Variants in MTREX observed in about 807,000 individuals in gnomAD.
MTREX encodes the protein Mtr4 exosome RNA helicase.
Under a neutral mutation model 135.4 loss-of-function variants are expected in MTREX, and 76 were observed. The ratio of observed to expected loss-of-function variants is 0.56; its 90% CI spans 0.47 to 0.68. The LOEUF is 0.68. Among genes scored for constraint, MTREX ranks in the 30% least tolerant of loss-of-function variants. The pLI is 0.00. For missense variants in MTREX, 920 were observed against 1,262.1 expected (o/e 0.73, Z 4.11); for synonymous variants, 404 against 401.6 (o/e 1.01, Z -0.07).
chr5:55,359,540 ATATCTT>A (rs1749975506), intron 15 of MTREX, among the ~76,000 whole-genome samples: 1 of 145,468 alleles, frequency 6.9e-6, no homozygotes, highest in South Asian at 2.2e-4. Flanking sequence ...GAAGGTGTGT[ATATCTT>A]TATATGTCTT....
chr5:55,397,849 A>AT (rs1019150031), intron 20 of MTREX, among the ~76,000 whole-genome samples: 1 of 152,174 alleles, frequency 6.6e-6, no homozygotes, highest in Non-Finnish European at 1.5e-5. Flanking sequence ...ACATTTAACC[A>AT]TTTTTTAATA....
Position 55,340,002 on chromosome 5 carries a change from A to G in MTREX, c.516-8A>G. Reference sequence around the variant, plus strand: ...AAGTTGTATGATTATTTGTTTTCACATTTGTAGGTATGCCATTGCATTGGC... The same window carrying G: ...AAGTTGTATGATTATTTGTTTTCACGTTTGTAGGTATGCCATTGCATTGGC... On this transcript the variant is annotated splice_region_variant and splice_polypyrimidine_tract_variant and intron_variant, in intron 5 of 26. Transcript: ENST00000230640. 6.7e-7 allele frequency: 1 copy of G among 1,489,278 alleles called. No homozygotes were observed. Among genetic ancestry groups the G allele is most frequent in the Non-Finnish European group, 9.0e-7 (1 of 1,116,380 alleles). 92.3% of individuals were successfully genotyped at this position (1,489,278 alleles called of 1,614,324 possible).
chr5:55,330,749 A>G (rs1268880307), intron 5 of MTREX, among the ~76,000 whole-genome samples: 1 of 151,542 alleles, frequency 6.6e-6, no homozygotes, highest in Admixed American at 6.6e-5. Context: ...ATATTTGGGG[A>G]AATTTCAGAC....
chr5:55,380,141 C>T (rs1351236516), intron 18 of MTREX, among the ~76,000 whole-genome samples: 4 of 151,884 alleles, frequency 2.6e-5, no homozygotes, highest in Admixed American at 6.6e-5. Flanking sequence ...CGGGTTTCAC[C>T]GTGTTAGGCA....
chr5:55,369,703 G>C (rs1750164417), intron 16 of MTREX, among the ~76,000 whole-genome samples: 1 of 152,054 alleles, frequency 6.6e-6, no homozygotes, highest in South Asian at 2.1e-4. Context: ...TGAGGAATGG[G>C]AGCCCCTTTC....
At chr5:55,313,437 C>T (rs892503170) in intron 1 of MTREX, among the ~76,000 whole-genome samples, 3 of 151,622 alleles carry the variant, frequency 2.0e-5, no homozygotes, top group Admixed American at 6.6e-5. Flanking sequence ...AGAGACATGT[C>T]TCAAAAAAAA....
intron 25 of MTREX, among the ~76,000 whole-genome samples, chr5:55,416,663 G>A (rs1414942366): frequency 6.6e-6 from 1 of 152,020 alleles, no homozygotes; most frequent in Non-Finnish European, 1.5e-5. Flanking sequence ...AGAAATATAA[G>A]GAATAAGTGA....
intron 5 of MTREX, among the ~76,000 whole-genome samples, chr5:55,332,672 C>G (rs1361001885): frequency 6.6e-6 from 1 of 152,156 alleles, no homozygotes; most frequent in African/African-American, 2.4e-5. Context: ...GGGGCCCACC[C>G]CCTTGATAAT....
intron 16 of MTREX, among the ~76,000 whole-genome samples, chr5:55,374,536 G>C (rs1043369149): frequency 2.0e-5 from 3 of 151,826 alleles, no homozygotes; most frequent in African/African-American, 7.3e-5. Flanking sequence ...TCCTGCTCCT[G>C]CCTCAGCCTC....
At chr5:55,365,363 C>G (rs1301851495) in intron 15 of MTREX, among the ~76,000 whole-genome samples, 1 of 152,184 alleles carries the variant, frequency 6.6e-6, no homozygotes, top group Non-Finnish European at 1.5e-5. Flanking sequence ...GACTTACTAA[C>G]TATCCTCCTA....
In MTREX at chr5:55,341,685, TGA is replaced by T; in HGVS notation, c.698_699del (p.Arg233LysfsTer19). 1 of 1,557,022 alleles carries T rather than the reference TGA, an allele frequency of 6.4e-7. No individual in the cohort carries two copies. The highest frequency in any genetic ancestry group is 8.8e-7 in the Non-Finnish European group (1 of 1,141,074). On this transcript the variant is annotated frameshift_variant, in exon 7 of 27. Transcript: ENST00000230640. LOFTEE classifies it high-confidence loss of function. ...ATTTTTTACTTTTTTCTTTAGATTTTGAGAAGTATGCTTTACAGAGGTTCCGA... is the reference window on the plus strand; with the variant it reads ...ATTTTTTACTTTTTTCTTTAGATTTTGAAGTATGCTTTACAGAGGTTCCGA...
intron 3 of MTREX, among the ~76,000 whole-genome samples, chr5:55,325,157 A>G (rs920987045): frequency 6.6e-6 from 1 of 152,140 alleles, no homozygotes; most frequent in African/African-American, 2.4e-5. Context: ...GGAGAATCTC[A>G]TTAAAAGTCT....
At chr5:55,419,780 CTTT>C (rs1025507637) in intron 25 of MTREX, among the ~76,000 whole-genome samples, 1 of 152,112 alleles carries the variant, frequency 6.6e-6, no homozygotes, top group African/African-American at 2.4e-5. Flanking sequence ...CTGCCATATG[CTTT>C]TTATTTTTTT....
At chr5:55,353,998 G>GAA (rs1287172251) in intron 14 of MTREX, among the ~76,000 whole-genome samples, 1 of 152,224 alleles carries the variant, frequency 6.6e-6, no homozygotes. Flanking sequence ...GTCCAAGGCA[G>GAA]AAGCAAAGAG....
intron 1 of MTREX, among the ~76,000 whole-genome samples, chr5:55,310,838 G>T (rs1198756611): frequency 6.6e-6 from 1 of 152,068 alleles, no homozygotes; most frequent in African/African-American, 2.4e-5. Context: ...GAGTGCACTG[G>T]TGCTTAGCAG....
chr5:55,388,258 C>T lies in MTREX; in HGVS notation c.2181+156C>T, dbSNP rs547361554. ...AAGGTATATTAGTAAAGCTATCTAA[C>T]GTATCAGTAGGATAATTAATGAGAT... is the stretch of plus-strand genomic sequence containing the variant. On this transcript the variant is annotated intron_variant, in intron 19 of 26. Transcript: ENST00000230640. 3.9e-5 allele frequency among the ~76,000 whole-genome samples: 6 copies of T among 152,208 alleles called. No individual in the cohort carries two copies. The South Asian group carries it at 1.0e-3, about 26-fold the overall frequency.
At chr5:55,353,979 T>G (rs770290200) in intron 14 of MTREX, among the ~76,000 whole-genome samples, 3 of 152,234 alleles carry the variant, frequency 2.0e-5, no homozygotes, top group Non-Finnish European at 4.4e-5. Context: ...CTAACAGGTT[T>G]GCACACATGT....
At chr5:55,399,216 C>T (rs1459229017) in intron 20 of MTREX, among the ~76,000 whole-genome samples, 1 of 152,148 alleles carries the variant, frequency 6.6e-6, no homozygotes, top group African/African-American at 2.4e-5. Context: ...TTTGAAAGAG[C>T]TTGCCTTATT....
chr5:55,328,205 T>A (rs1193444596), intron 4 of MTREX, among the ~76,000 whole-genome samples: 1 of 152,118 alleles, frequency 6.6e-6, no homozygotes, highest in Non-Finnish European at 1.5e-5. Context: ...GTAATTTTCT[T>A]AAATAAAAAA....
Sources: allele counts gnomAD v4.1 joint callset (sites outside exome capture counted in the v4.1 genomes callset), GRCh38; gene constraint gnomAD v4.1.1; transcripts MANE v1.5; gene names NCBI Gene and HGNC (gene_info 2026-07-23, HGNC 2026-07-21).